TMC1: variants seen among roughly 807,000 people sequenced by gnomAD.
TMC1 encodes transmembrane channel like 1.
TMC1 carries 84 observed loss-of-function variants against 105.8 expected under a neutral mutation model. The ratio of observed to expected loss-of-function variants is 0.79; its 90% CI spans 0.67 to 0.95. The LOEUF (loss-of-function observed/expected upper bound fraction) is 0.95. TMC1 is among the 40% of genes least tolerant of loss of function. The probability of loss-of-function intolerance (pLI) is 0.00; values close to 1 mark genes in which losing one functional copy is unlikely to be tolerated. For missense variants in TMC1, 817 were observed against 914.1 expected (o/e 0.89, Z 1.37); for synonymous variants, 315 against 311.5 (o/e 1.01, Z -0.12).
Position 72,545,950 on chromosome 9 carries a change from C to CA in TMC1, c.-428+24047dup, listed in dbSNP as rs566351959. Among the ~76,000 whole-genome samples the CA allele has an allele frequency of 5.1e-4, 75 of 146,070 alleles. 1 individual carries two copies. Among genetic ancestry groups the CA allele is most frequent in the African/African-American group, 1.0e-3 (41 of 39,912 alleles). On this transcript the variant is annotated intron_variant, in intron 1 of 23. Transcript: ENST00000297784. ...TCAAAAAAGTTCAAATGTCATCGCT[C>CA]AAAAAAAAAACAAACCTTCACTAGA...
intron 5 of TMC1, among the ~76,000 whole-genome samples, chr9:72,654,280 A>G (rs1825853606): frequency 1.3e-5 from 2 of 152,206 alleles, no homozygotes; most frequent in African/African-American, 4.8e-5. Context: ...TGGAATTAAG[A>G]GTGAATCTTT....
chr9:72,642,906 C>T (rs1208734717), intron 4 of TMC1, among the ~76,000 whole-genome samples: 2 of 152,118 alleles, frequency 1.3e-5, no homozygotes, highest in African/African-American at 2.4e-5. Flanking sequence ...GTGGTTAATT[C>T]TCCTAGCTCC....
chr9:72,612,672 AG>A (rs1825052466), intron 2 of TMC1, among the ~76,000 whole-genome samples: 2 of 152,188 alleles, frequency 1.3e-5, no homozygotes, highest in African/African-American at 4.8e-5. Flanking sequence ...TTTGGCCCAT[AG>A]GCTATAATTG....
intron 20 of TMC1, among the ~76,000 whole-genome samples, chr9:72,821,689 A>T (rs1215668612): frequency 6.6e-6 from 1 of 152,178 alleles, no homozygotes; most frequent in Non-Finnish European, 1.5e-5. Context: ...TCCATGTTAG[A>T]GGATAGCTAA....
chr9:72,836,209 C>T lies in TMC1; in HGVS notation c.*236C>T, dbSNP rs935731405. ...CTGCAGAGCCACTCTCTCCCCTGCT[C>T]CATTTCGTGACTTTTTTTTTTTTTT... On this transcript the variant is annotated 3_prime_UTR_variant, in exon 24 of 24. Coordinates refer to ENST00000297784, the MANE Select transcript of TMC1 (RefSeq NM_138691.3). 2.1e-5 allele frequency: 12 copies of T among 577,544 alleles called. No homozygotes were observed. The highest frequency in any genetic ancestry group is 3.7e-5 in the Non-Finnish European group (12 of 324,350). 35.8% of individuals were successfully genotyped at this position (577,544 alleles called of 1,614,324 possible). A position where few individuals can be genotyped will look rare whatever the true frequency, so the allele number is the denominator to read the frequency against.
At chr9:72,538,717 G>A (rs906520440) in intron 1 of TMC1, among the ~76,000 whole-genome samples, 2 of 152,054 alleles carry the variant, frequency 1.3e-5, no homozygotes, top group African/African-American at 2.4e-5. Context: ...GGGATTACTG[G>A]GATTACAGGC....
intron 17 of TMC1, among the ~76,000 whole-genome samples, chr9:72,796,346 G>A (rs572342603): frequency 2.6e-5 from 4 of 152,168 alleles, no homozygotes; most frequent in East Asian, 3.9e-4. Context: ...TTGAGGAGGA[G>A]GAGGAACTTC....
chr9:72,663,751 G>A (rs1192436480), intron 5 of TMC1, among the ~76,000 whole-genome samples: 1 of 151,786 alleles, frequency 6.6e-6, no homozygotes, highest in African/African-American at 2.4e-5. Flanking sequence ...CTTACTATAA[G>A]TTTTTTACTT....
chr9:72,595,650 T>C (rs559361376), intron 2 of TMC1, among the ~76,000 whole-genome samples: 3 of 151,136 alleles, frequency 2.0e-5, no homozygotes, highest in South Asian at 4.2e-4. Flanking sequence ...CTAGTTTACA[T>C]TGTGGTAACA....
intron 20 of TMC1, among the ~76,000 whole-genome samples, chr9:72,824,357 G>A (rs1194908575): frequency 2.6e-5 from 4 of 152,264 alleles, no homozygotes; most frequent in Admixed American, 2.6e-4. Context: ...AGGGCAAAGG[G>A]CCAGTGTGAC....
At chr9:72,804,703 A>C (rs1430436115) in intron 17 of TMC1, among the ~76,000 whole-genome samples, 3 of 152,150 alleles carry the variant, frequency 2.0e-5, no homozygotes, top group Non-Finnish European at 2.9e-5. Flanking sequence ...GATCTTAACA[A>C]ATTTCTTCCC....
At chr9:72,795,871 A>G (rs911676625) in intron 17 of TMC1, among the ~76,000 whole-genome samples, 1 of 149,866 alleles carries the variant, frequency 6.7e-6, no homozygotes, top group Non-Finnish European at 1.5e-5. Context: ...TTAAAAAAAA[A>G]GCAAGACCCA....
At chr9:72,546,194 G>C (rs987061992) in intron 1 of TMC1, among the ~76,000 whole-genome samples, 4 of 152,138 alleles carry the variant, frequency 2.6e-5, no homozygotes, top group African/African-American at 7.2e-5. Context: ...TTGAGAGGCT[G>C]AGACAGGAGA....
chr9:72,791,832 CAAT>C, intron 15 of TMC1, 51 bp from the exon 16 acceptor site: 1 of 1,515,444 alleles, frequency 6.6e-7, no homozygotes, highest in Non-Finnish European at 9.1e-7. Flanking sequence ...TGGCAAAAAG[CAAT>C]AATAACTTTA....
chr9:72,625,170 G>T (rs1825323813), intron 3 of TMC1, among the ~76,000 whole-genome samples: 2 of 152,158 alleles, frequency 1.3e-5, no homozygotes, highest in African/African-American at 4.8e-5. Flanking sequence ...GTTTAGAAAA[G>T]ACCATGTTTG....
intron 2 of TMC1, among the ~76,000 whole-genome samples, chr9:72,609,494 C>T (rs370064605): frequency 6.6e-6 from 1 of 152,086 alleles, no homozygotes; most frequent in African/African-American, 2.4e-5. Flanking sequence ...GAGCCGAGAT[C>T]GTTCCACTGC....
intron 4 of TMC1, among the ~76,000 whole-genome samples, chr9:72,636,226 TC>T (rs1476106480): frequency 6.6e-6 from 1 of 152,210 alleles, no homozygotes; most frequent in Non-Finnish European, 1.5e-5. Flanking sequence ...CTTAGACTAT[TC>T]TAAGAATGAA....
intron 2 of TMC1, among the ~76,000 whole-genome samples, chr9:72,607,002 T>TATAGAGAGAGAGAGAGAG (rs372785242): frequency 0.013 from 1,723 of 134,788 alleles, 19 homozygotes; most frequent in Non-Finnish European, 0.02. Flanking sequence ...TATATATATA[T>TATAGAGAGAGAGAGAGAG]AGAGAGAGAG....
At chr9:72,766,031 C>T (rs939502298) in intron 12 of TMC1, among the ~76,000 whole-genome samples, 1 of 152,172 alleles carries the variant, frequency 6.6e-6, no homozygotes, top group South Asian at 2.1e-4. Flanking sequence ...GACAATCATC[C>T]TGAACCTTGT....
Sources: allele counts gnomAD v4.1 joint callset (sites outside exome capture counted in the v4.1 genomes callset), GRCh38; gene constraint gnomAD v4.1.1; transcripts MANE v1.5; gene names NCBI Gene and HGNC (gene_info 2026-07-23, HGNC 2026-07-21).